Variants in ROBO1 observed in about 807,000 individuals in gnomAD.
ROBO1 encodes the protein roundabout homolog 1.
ROBO1 carries 149 observed loss-of-function variants against 195.9 expected under a neutral mutation model. The observed-to-expected ratio is 0.76, with a 90% CI of 0.67 to 0.87. The LOEUF is 0.87. Among genes scored for constraint, ROBO1 ranks in the 40% least tolerant of loss-of-function variants. The probability of loss-of-function intolerance (pLI) is 0.00; values close to 1 mark genes in which losing one functional copy is unlikely to be tolerated. For missense variants in ROBO1, 1,933 were observed against 2,068.3 expected (o/e 0.93, Z 1.27); for synonymous variants, 816 against 733.2 (o/e 1.11, Z -1.82).
chr3:79,134,011 G>A (rs1342453078), intron 2 of ROBO1, among the ~76,000 whole-genome samples: 1 of 151,250 alleles, frequency 6.6e-6, no homozygotes. Flanking sequence ...CAAAAGCAAT[G>A]GCAACAAAAG....
intron 1 of ROBO1, among the ~76,000 whole-genome samples, chr3:79,735,663 G>A (rs1401297838): frequency 2.6e-5 from 4 of 152,172 alleles, no homozygotes; most frequent in Admixed American, 2.6e-4. Context: ...GAGGTCAGGA[G>A]ATCGAGACCA....
At chr3:79,057,077 T>C (rs1044889074) in intron 3 of ROBO1, among the ~76,000 whole-genome samples, 1 of 152,114 alleles carries the variant, frequency 6.6e-6, no homozygotes, top group Non-Finnish European at 1.5e-5. Flanking sequence ...ACAAATTGTT[T>C]GATTTTATAA....
At position 78,600,158 on chromosome 3, in the gene ROBO1, T is replaced by G. The variant is rs369556255; in HGVS notation, c.4896A>C (p.Val1632=). 1.1e-5 allele frequency: 17 copies of G among 1,613,268 alleles called. No individual in the cohort carries two copies. Among genetic ancestry groups the G allele is most frequent in the African/African-American group, 1.3e-5 (1 of 74,918 alleles). Residue 1632 remains valine, a synonymous_variant, in exon 30 of 31, where the codon GTA becomes GTC. Coordinates refer to ENST00000464233, the MANE Select transcript of ROBO1 (RefSeq NM_002941.4). ...VGRRNIAEMQ[V]LGGYERGEDN... is the part of the protein sequence containing the mutation. ...CTTCTCCTCTTTCATATCCTCCAAG[T>G]ACCTGCATTTCTGCAATATTTCTTC...
At chr3:79,707,732 T>C (rs1289741453) in intron 1 of ROBO1, among the ~76,000 whole-genome samples, 2 of 152,094 alleles carry the variant, frequency 1.3e-5, no homozygotes, top group Non-Finnish European at 2.9e-5. Context: ...ATGGTCTCGA[T>C]CTCCTAATCT....
intron 2 of ROBO1, among the ~76,000 whole-genome samples, chr3:79,392,202 C>T (rs1224715047): frequency 6.6e-6 from 1 of 152,144 alleles, no homozygotes; most frequent in Non-Finnish European, 1.5e-5. Flanking sequence ...CACATACCTG[C>T]CAACAACTGA....
chr3:79,014,235 C>G (rs1297105847), intron 3 of ROBO1, among the ~76,000 whole-genome samples: 1 of 152,026 alleles, frequency 6.6e-6, no homozygotes, highest in African/African-American at 2.4e-5. Context: ...TTTGGGAGGC[C>G]GAAGCAGGCA....
At chr3:79,444,770 C>A (rs1458663432) in intron 2 of ROBO1, among the ~76,000 whole-genome samples, 1 of 151,992 alleles carries the variant, frequency 6.6e-6, no homozygotes, top group South Asian at 2.1e-4. Context: ...GGCAACACAG[C>A]AATGACAAAA....
intron 28 of ROBO1, among the ~76,000 whole-genome samples, chr3:78,611,423 C>T (rs1703801513): frequency 6.6e-6 from 1 of 152,156 alleles, no homozygotes; most frequent in Non-Finnish European, 1.5e-5. Context: ...GGCTTTTACT[C>T]AATAAGACTC....
At chr3:79,504,875 G>A (rs995544745) in intron 2 of ROBO1, among the ~76,000 whole-genome samples, 2 of 152,210 alleles carry the variant, frequency 1.3e-5, no homozygotes, top group Admixed American at 6.5e-5. Context: ...GTCTGTGTGT[G>A]TGTGTATGTA....
intron 2 of ROBO1, among the ~76,000 whole-genome samples, chr3:79,394,854 A>T (rs1390615699): frequency 6.6e-6 from 1 of 152,202 alleles, no homozygotes; most frequent in Non-Finnish European, 1.5e-5. Context: ...AGTTGATGTT[A>T]TTCTAATATA....
chr3:79,391,122 CAA>C (rs952765742), intron 2 of ROBO1, among the ~76,000 whole-genome samples: 93 of 100,742 alleles, frequency 9.2e-4, no homozygotes, highest in African/African-American at 1.4e-3. Context: ...CTGTCTCTAC[CAA>C]AAAAAAAAAA....
At chr3:79,214,383 A>C (rs1317886202) in intron 2 of ROBO1, among the ~76,000 whole-genome samples, 1 of 152,166 alleles carries the variant, frequency 6.6e-6, no homozygotes, top group Non-Finnish European at 1.5e-5. Context: ...ACATAACCTA[A>C]GGGCTAAAGG....
chr3:79,061,104 A>G (rs181830474), intron 3 of ROBO1, among the ~76,000 whole-genome samples: 1 of 152,112 alleles, frequency 6.6e-6, no homozygotes, highest in African/African-American at 2.4e-5. Flanking sequence ...AGAAAACCCC[A>G]TCGTCTTGGC....
chr3:79,517,601 C>T (rs974839207), intron 2 of ROBO1, among the ~76,000 whole-genome samples: 1 of 152,142 alleles, frequency 6.6e-6, no homozygotes, highest in Non-Finnish European at 1.5e-5. Context: ...TAAATGGCTC[C>T]TAAATCTTTA....
intron 1 of ROBO1, among the ~76,000 whole-genome samples, chr3:79,661,498 A>G (rs188500817): frequency 3.3e-5 from 5 of 152,120 alleles, no homozygotes. Context: ...GCTTAAATGT[A>G]TCATTTCTTC....
intron 2 of ROBO1, among the ~76,000 whole-genome samples, chr3:79,294,007 G>A (rs536452353): frequency 4.7e-4 from 59 of 124,810 alleles, no homozygotes; most frequent in Admixed American, 1.7e-3. Flanking sequence ...GCAGTGAGCC[G>A]AGATCGCGCC....
chr3:79,059,396 C>T (rs1469783216), intron 3 of ROBO1, among the ~76,000 whole-genome samples: 1 of 152,004 alleles, frequency 6.6e-6, no homozygotes, highest in Non-Finnish European at 1.5e-5. Context: ...AATTATGCTT[C>T]TCTGTTTAAT....
chr3:79,501,728 G>A (rs781109641), intron 2 of ROBO1, among the ~76,000 whole-genome samples: 1 of 152,112 alleles, frequency 6.6e-6, no homozygotes, highest in Non-Finnish European at 1.5e-5. Context: ...GTAATCCCAT[G>A]ATTACATCCA....
At chr3:79,548,588 TATTTC>T (rs1189466651) in intron 2 of ROBO1, among the ~76,000 whole-genome samples, 1 of 152,228 alleles carries the variant, frequency 6.6e-6, no homozygotes, top group African/African-American at 2.4e-5. Context: ...AATGGGCACT[TATTTC>T]ATTAATAATT....
Sources: allele counts gnomAD v4.1 joint callset (sites outside exome capture counted in the v4.1 genomes callset), GRCh38; gene constraint gnomAD v4.1.1; transcripts MANE v1.5; gene names NCBI Gene and HGNC (gene_info 2026-07-23, HGNC 2026-07-21).